Variants in DMGDH observed in about 807,000 individuals in gnomAD.
The protein encoded by DMGDH is dimethylglycine dehydrogenase, mitochondrial.
DMGDH carries 76 observed loss-of-function variants against 95.2 expected under a neutral mutation model. The ratio of observed to expected loss-of-function variants is 0.80; its 90% CI spans 0.66 to 0.97. DMGDH has a LOEUF of 0.97. DMGDH is among the 50% of genes least tolerant of loss of function. DMGDH has a pLI of 0.00. For synonymous variants in DMGDH, 345 were observed against 377.6 expected, an observed-to-expected ratio of 0.91 and a Z score of 1.00; for missense variants, 987 against 1,055.0, an observed-to-expected ratio of 0.94 and a Z score of 0.89.
intron 2 of DMGDH, among the ~76,000 whole-genome samples, chr5:79,060,898 C>T (rs1468580964): frequency 7.2e-6 from 1 of 138,932 alleles, no homozygotes; most frequent in African/African-American, 2.7e-5. Context: ...AGCCTGGCAA[C>T]AGAGTGAGAC....
At position 78,998,280 on chromosome 5, in the gene DMGDH, T is replaced by G. The variant is rs369457985; in HGVS notation, c.2403A>C (p.Thr801=). The G allele has an allele frequency of 6.2e-7, 1 of 1,613,730 alleles. No homozygotes were observed. Among genetic ancestry groups the G allele is most frequent in the African/African-American group, 1.3e-5 (1 of 75,018 alleles). Residue 801 remains threonine, a synonymous_variant, in exon 16 of 16, where the codon ACA becomes ACC. Transcript: ENST00000255189. The part of the protein sequence containing the change: ...WYNGKVVGNT[T]SGSYSYSIQK... ...GGATGCTGTAGCTATAGCTTCCAGATGTCGTGTTGCCAACCACCTGGAAAA... is the reference window on the plus strand; with the variant it reads ...GGATGCTGTAGCTATAGCTTCCAGAGGTCGTGTTGCCAACCACCTGGAAAA...
chr5:79,053,189 G>A (rs80093745), intron 4 of DMGDH, among the ~76,000 whole-genome samples: 4,157 of 151,964 alleles, frequency 0.027, 66 homozygotes, highest in African/African-American at 0.034. Flanking sequence ...CTCTCACTTC[G>A]TTGCTCAGGC....
chr5:79,050,291 T>A (rs1463901819), intron 5 of DMGDH, among the ~76,000 whole-genome samples: 4 of 116,736 alleles, frequency 3.4e-5, no homozygotes, highest in African/African-American at 6.0e-5. Context: ...TATATATATA[T>A]ATATATATAT....
intron 1 of DMGDH, among the ~76,000 whole-genome samples, chr5:79,068,647 A>G (rs1179783504): frequency 6.6e-6 from 1 of 152,268 alleles, no homozygotes; most frequent in East Asian, 1.9e-4. Flanking sequence ...ACATAAAATA[A>G]AATTCGAATC....
At chr5:79,003,947 A>AAAATAAATAAATAAATAAATAAAT (rs562382857) in intron 15 of DMGDH, among the ~76,000 whole-genome samples, 64 of 151,016 alleles carry the variant, frequency 4.2e-4, no homozygotes, top group African/African-American at 1.4e-3. Context: ...GCTCTGTCTC[A>AAAATAAATAAATAAATAAATAAAT]AAATAAATAA....
chr5:79,007,063 T>C (rs2112600997), intron 14 of DMGDH, among the ~76,000 whole-genome samples: 1 of 152,336 alleles, frequency 6.6e-6, no homozygotes, highest in African/African-American at 2.4e-5. Flanking sequence ...TAAAGCTTTA[T>C]TATGAAGCCA....
Position 79,063,845 on chromosome 5 carries a change from G to T in DMGDH, c.102-58C>A. 5 of 1,565,852 alleles carry T rather than the reference G, an allele frequency of 3.2e-6. No individual in the cohort carries two copies. In the South Asian group the frequency reaches 3.3e-5, roughly 10 times the overall value. Reference sequence around the variant, plus strand: ...ATCGGCAATGGTAGCTATAGTTCTGGCCTAAAGCACTTCCCCTTACCCGTT... The same window carrying T: ...ATCGGCAATGGTAGCTATAGTTCTGTCCTAAAGCACTTCCCCTTACCCGTT... On this transcript the variant is annotated intron_variant, in intron 1 of 15. Transcript: ENST00000255189.
chr5:79,011,384 T>C (rs1452940232), intron 14 of DMGDH, among the ~76,000 whole-genome samples: 1 of 152,212 alleles, frequency 6.6e-6, no homozygotes, highest in Non-Finnish European at 1.5e-5. Context: ...TGGTTCCTTT[T>C]CCACTATTCA....
intron 7 of DMGDH, among the ~76,000 whole-genome samples, chr5:79,039,432 T>C (rs1004486762): frequency 2.0e-5 from 3 of 151,902 alleles, no homozygotes; most frequent in Admixed American, 1.3e-4. Flanking sequence ...TTGGAAATCA[T>C]CATTCTCAGT....
intron 7 of DMGDH, among the ~76,000 whole-genome samples, chr5:79,038,121 A>G (rs1435470932): frequency 6.6e-6 from 1 of 152,172 alleles, no homozygotes; most frequent in Non-Finnish European, 1.5e-5. Flanking sequence ...AAAAAGAACA[A>G]AGTTGGAGGA....
chr5:79,028,659 T>C lies in DMGDH; in HGVS notation c.1815-9A>G, dbSNP rs2303129. 464,400 of 1,613,292 alleles carry C rather than the reference T, an allele frequency of 0.29. 69,837 individuals carry two copies. The highest frequency in any genetic ancestry group is 0.47 in the African/African-American group (34,905 of 74,924). On this transcript the variant is annotated splice_polypyrimidine_tract_variant and intron_variant, in intron 11 of 15. Transcript: ENST00000255189. ...CTTCTTCTTCAATCCATCTGCGTTT[T>C]AGTCATGAACATGGTGTTAAATATT...
In DMGDH at chr5:79,042,499, T is replaced by C. The variant is rs1333635976; in HGVS notation, c.995-18A>G. ...TCCAAAACCTAAAAAGATTTGCCCTTGTGGTCAGGATGCCGTAGCTGAGCT... is the reference window on the plus strand; with the variant it reads ...TCCAAAACCTAAAAAGATTTGCCCTCGTGGTCAGGATGCCGTAGCTGAGCT... On this transcript the variant is annotated intron_variant, in intron 6 of 15. Coordinates refer to ENST00000255189, the MANE Select transcript of DMGDH (RefSeq NM_013391.3). The C allele has an allele frequency of 1.9e-6, 3 of 1,613,686 alleles. No individual in the cohort carries two copies. The highest frequency in any genetic ancestry group is 1.3e-5 in the African/African-American group (1 of 74,914).
intron 14 of DMGDH, among the ~76,000 whole-genome samples, chr5:79,014,384 G>T (rs190893839): frequency 6.6e-6 from 1 of 152,158 alleles, no homozygotes; most frequent in Non-Finnish European, 1.5e-5. Flanking sequence ...TCAGATTTAT[G>T]TTTAACTGCT....
At chr5:79,021,417 C>T (rs1441131520) in intron 14 of DMGDH, 1 of 1,186,754 alleles carries the variant, frequency 8.4e-7, no homozygotes, top group Non-Finnish European at 1.1e-6. Context: ...ACTAGATGAA[C>T]GGATGAATGA....
At chr5:79,038,653 C>T (rs1754416509) in intron 7 of DMGDH, among the ~76,000 whole-genome samples, 1 of 152,240 alleles carries the variant, frequency 6.6e-6, no homozygotes, top group South Asian at 2.1e-4. Context: ...GTTCCTGACA[C>T]AGAATTCATA....
At position 79,000,516 on chromosome 5, in the gene DMGDH, A is replaced by T. The variant is rs924238724; in HGVS notation, c.2386-2219T>A. ...GGTCTGTAACAGAAATGCCATGATC[A>T]ATCAGAGATAATTCTATTTCTCTTT... On this transcript the variant is annotated intron_variant, in intron 15 of 15. Coordinates refer to ENST00000255189, the MANE Select transcript of DMGDH (RefSeq NM_013391.3). 27 of 595,082 alleles carry T rather than the reference A, an allele frequency of 4.5e-5. No homozygotes were observed. The African/African-American group carries it at 4.6e-4, about 10-fold the overall frequency. 36.9% of individuals were successfully genotyped at this position (595,082 alleles called of 1,614,324 possible). A position where few individuals can be genotyped will look rare whatever the true frequency, so the allele number is the denominator to read the frequency against.
rs1393873113 is a variant in DMGDH at position 79,044,427 on chromosome 5, G to C, written c.871C>G (p.Leu291Val). 2 of 1,614,004 alleles carry C rather than the reference G, an allele frequency of 1.2e-6. No homozygotes were observed. Among genetic ancestry groups the C allele is most frequent in the African/African-American group, 1.3e-5 (1 of 74,920 alleles). The change falls in exon 6 of 16, where the codon CTC becomes GTC. Residue 291 changes from leucine to valine, a missense_variant. Physicochemically the swap from Leu to Val is conservative, Grantham distance 32. Coordinates refer to ENST00000255189, the MANE Select transcript of DMGDH (RefSeq NM_013391.3). The stretch of plus-strand genomic sequence containing the variant: ...TAATATGATCCTTCCAGGTCACGGA[G>C]CACAGGCAGTTCTCGTTTCAAAGCT... Reference protein sequence around the residue: ...VKALKRELPVLRDLEGSYYLR... With the variant: ...VKALKRELPVVRDLEGSYYLR...
At chr5:79,006,987 A>C (rs970655354) in intron 14 of DMGDH, among the ~76,000 whole-genome samples, 4 of 152,228 alleles carry the variant, frequency 2.6e-5, no homozygotes, top group African/African-American at 9.6e-5. Flanking sequence ...GGTTAAAATA[A>C]TGTGCAAAAT....
At chr5:79,019,524 T>G (rs1753811781) in intron 14 of DMGDH, among the ~76,000 whole-genome samples, 1 of 152,050 alleles carries the variant, frequency 6.6e-6, no homozygotes, top group Non-Finnish European at 1.5e-5. Flanking sequence ...AGAGAAAATC[T>G]AATTGATTTG....
Sources: allele counts gnomAD v4.1 joint callset (sites outside exome capture counted in the v4.1 genomes callset), GRCh38; gene constraint gnomAD v4.1.1; transcripts MANE v1.5; gene names NCBI Gene and HGNC (gene_info 2026-07-23, HGNC 2026-07-21).